CCSER1: variants seen among roughly 807,000 people sequenced by gnomAD.
CCSER1 encodes the protein coiled-coil serine rich protein 1.
A neutral mutation model predicts 82.0 loss-of-function variants in CCSER1; 41 were observed. The ratio of observed to expected loss-of-function variants is 0.50; its 90% confidence interval spans 0.39 to 0.65. CCSER1 has a LOEUF of 0.65. Ranked by LOEUF, CCSER1 falls within the 30% of genes least tolerant of loss-of-function variation. The pLI, the probability that CCSER1 is intolerant of heterozygous loss-of-function variation, is 0.00. For synonymous variants in CCSER1, 414 were observed against 383.9 expected (o/e 1.08, Z -0.92); for missense variants, 1,119 against 1,064.2 (o/e 1.05, Z -0.72).
intron 6 of CCSER1, among the ~76,000 whole-genome samples, chr4:90,630,075 C>G (rs1173461927): frequency 6.6e-6 from 1 of 152,154 alleles, no homozygotes; most frequent in Non-Finnish European, 1.5e-5. Context: ...ATTAGGGCCT[C>G]TTATTTTTGG....
At chr4:91,344,346 G>C (rs1747912683) in intron 10 of CCSER1, among the ~76,000 whole-genome samples, 1 of 152,062 alleles carries the variant, frequency 6.6e-6, no homozygotes, top group Non-Finnish European at 1.5e-5. Flanking sequence ...AAGTTATTTT[G>C]TTACATCAGC....
In CCSER1 at chr4:91,410,523, G is replaced by A. The variant is rs75550255; in HGVS notation, c.2218-188049G>A. On this transcript the variant is annotated intron_variant, in intron 10 of 10. Coordinates refer to ENST00000509176, the MANE Select transcript of CCSER1 (RefSeq NM_001145065.2). ...TATGTTCTGGTTGCTTGAGTCCTTC[G>A]AAAGCTGAAGAACCTATTTTTACAA... is the stretch of plus-strand genomic sequence containing the variant. Among the ~76,000 whole-genome samples, 298 of 152,180 alleles carry A rather than the reference G, an allele frequency of 2.0e-3. 5 individuals are homozygous for A. The East Asian group carries it at 0.032, about 16-fold the overall frequency.
intron 10 of CCSER1, among the ~76,000 whole-genome samples, chr4:91,332,884 T>C (rs1349344184): frequency 6.6e-6 from 1 of 152,072 alleles, no homozygotes; most frequent in Non-Finnish European, 1.5e-5. Context: ...AGGGAGACAT[T>C]CTGCCCCATT....
chr4:91,585,159 C>G lies in CCSER1; in HGVS notation c.2218-13413C>G, dbSNP rs148712932. ...TTATTTCTATGTAAACATCCTACTT[C>G]ACCTTAGCAAGTAAGTTTAATACTA... On this transcript the variant is annotated intron_variant, in intron 10 of 10. Transcript: ENST00000509176. Among the ~76,000 whole-genome samples the G allele has an allele frequency of 2.7e-3, 411 of 151,560 alleles. 1 individual carries two copies. The highest frequency in any genetic ancestry group is 9.5e-3 in the African/African-American group (392 of 41,468).
At chr4:90,522,506 C>G (rs914438874) in intron 5 of CCSER1, among the ~76,000 whole-genome samples, 2 of 152,134 alleles carry the variant, frequency 1.3e-5, no homozygotes, top group Non-Finnish European at 2.9e-5. Context: ...TGTTATTCTT[C>G]TGCTAAGATA....
intron 10 of CCSER1, among the ~76,000 whole-genome samples, chr4:91,498,128 G>T (rs1318242150): frequency 6.6e-6 from 1 of 151,930 alleles, no homozygotes; most frequent in African/African-American, 2.4e-5. Context: ...ATCGACCCAA[G>T]GTCAGAGTGA....
At chr4:91,124,421 A>T (rs537666743) in intron 10 of CCSER1, among the ~76,000 whole-genome samples, 1 of 151,640 alleles carries the variant, frequency 6.6e-6, no homozygotes, top group Admixed American at 6.6e-5. Flanking sequence ...TTTACATATT[A>T]TTTTTTTCCC....
At chr4:90,390,683 T>C (rs905859527) in intron 3 of CCSER1, among the ~76,000 whole-genome samples, 1 of 152,232 alleles carries the variant, frequency 6.6e-6, no homozygotes, top group African/African-American at 2.4e-5. Flanking sequence ...CAGTCCACCA[T>C]TGATGGGGTC....
chr4:91,281,211 CT>C (rs1742887826), intron 10 of CCSER1, among the ~76,000 whole-genome samples: 1 of 152,142 alleles, frequency 6.6e-6, no homozygotes, highest in African/African-American at 2.4e-5. Context: ...TTAGGCATTT[CT>C]TGTCATTTTT....
intron 8 of CCSER1, among the ~76,000 whole-genome samples, chr4:90,922,056 C>T (rs1272529899): frequency 1.3e-5 from 2 of 151,982 alleles, no homozygotes; most frequent in African/African-American, 4.8e-5. Flanking sequence ...GTAACATCTT[C>T]CTGCATGATC....
rs1288889185 is a variant in CCSER1 at position 91,118,790 on chromosome 4, G to C, written c.2217+32796G>C. On this transcript the variant is annotated intron_variant, in intron 10 of 10. Coordinates refer to ENST00000509176, the MANE Select transcript of CCSER1 (RefSeq NM_001145065.2). The stretch of plus-strand genomic sequence containing the variant: ...ACTTGCAACTTTCTCAATGACATAA[G>C]TGTTAGACTGTGTCATTTTGAAAAT... 5.9e-5 allele frequency among the ~76,000 whole-genome samples: 9 copies of C among 152,220 alleles called. No homozygotes were observed. The East Asian group carries it at 1.5e-3, about 26-fold the overall frequency.
At chr4:90,148,702 A>G (rs1726267234) in intron 1 of CCSER1, among the ~76,000 whole-genome samples, 1 of 152,178 alleles carries the variant, frequency 6.6e-6, no homozygotes, top group Non-Finnish European at 1.5e-5. Context: ...CAGTTTTGCA[A>G]TGGACAAACC....
In CCSER1 at chr4:90,391,479, TATATATAC is replaced by T. The variant is rs1413605457; in HGVS notation, c.1510-8555_1510-8548del. Among the ~76,000 whole-genome samples, 153 of 88,002 alleles carry T rather than the reference TATATATAC, an allele frequency of 1.7e-3. 3 individuals carry two copies. Among genetic ancestry groups the T allele is most frequent in the African/African-American group, 9.0e-3 (123 of 13,660 alleles). 57.7% of individuals were successfully genotyped at this position (88,002 alleles called of 152,430 possible). A position where few individuals can be genotyped will look rare whatever the true frequency, so the allele number is the denominator to read the frequency against. ...ATATATATATATATATATATATATA[TATATATAC>T]ACACACACAGTGGGTAAATATATAT... On this transcript the variant is annotated intron_variant, in intron 3 of 10. Coordinates refer to ENST00000509176, the MANE Select transcript of CCSER1 (RefSeq NM_001145065.2).
chr4:90,165,263 A>AT (rs905461233), intron 1 of CCSER1, among the ~76,000 whole-genome samples: 1 of 152,112 alleles, frequency 6.6e-6, no homozygotes, highest in Non-Finnish European at 1.5e-5. Context: ...TGTGCTTTAA[A>AT]TATTACTAAA....
chr4:90,577,035 T>C (rs1484828907), intron 5 of CCSER1, among the ~76,000 whole-genome samples: 1 of 152,082 alleles, frequency 6.6e-6, no homozygotes, highest in Non-Finnish European at 1.5e-5. Context: ...CTAACCAGCA[T>C]GTTGTGTTAT....
intron 8 of CCSER1, chr4:90,839,094 CAGTGGCCACCACCG>C (rs1718918493): frequency 2.0e-5 from 26 of 1,315,436 alleles, no homozygotes; most frequent in Non-Finnish European, 2.7e-5. Context: ...CTGGTCTGCG[CAGTGGCCACCACCG>C]AGTTGTCGCC....
At chr4:90,161,801 T>G (rs553034036) in intron 1 of CCSER1, among the ~76,000 whole-genome samples, 6 of 152,270 alleles carry the variant, frequency 3.9e-5, no homozygotes, top group African/African-American at 1.2e-4. Context: ...TTCTCATATT[T>G]TTTTCAGTTT....
intron 7 of CCSER1, among the ~76,000 whole-genome samples, chr4:90,754,126 G>A (rs546217538): frequency 6.6e-6 from 1 of 152,158 alleles, no homozygotes; most frequent in East Asian, 1.9e-4. Context: ...CAAACCCCTT[G>A]TGACCTGACA....
Position 91,278,185 on chromosome 4 carries a change from G to T in CCSER1, c.2217+192191G>T, listed in dbSNP as rs1009712584. Among the ~76,000 whole-genome samples the T allele has an allele frequency of 5.3e-5, 8 of 152,172 alleles. No individual in the cohort carries two copies. In the East Asian group the frequency reaches 1.5e-3, roughly 29 times the overall value. On this transcript the variant is annotated intron_variant, in intron 10 of 10. Coordinates refer to ENST00000509176, the MANE Select transcript of CCSER1 (RefSeq NM_001145065.2). ...TGAAATAATCCGTAAATGTCTGCTA[G>T]GTCCATTTGGTCTAAAATGCAGTTT...
Sources: gnomAD v4.1 joint callset for allele counts (sites outside exome capture counted in the v4.1 genomes callset) on GRCh38, gnomAD v4.1.1 for gene constraint, MANE v1.5 for transcripts, NCBI Gene and HGNC (gene_info 2026-07-23, HGNC 2026-07-21) for gene names.